The following TOX3 variants were observed in gnomAD, a reference collection of about 807,000 sequenced individuals.
TOX3 encodes TOX high mobility group box family member 3, also known as CAG trinucleotide repeat-containing gene F9 protein.
A neutral mutation model predicts 64.3 loss-of-function variants in TOX3; 22 were observed. The ratio of observed to expected loss-of-function variants is 0.34; its 90% CI spans 0.24 to 0.49. TOX3 has a LOEUF of 0.49. Among genes scored for constraint, TOX3 ranks in the 20% least tolerant of loss-of-function variants. The pLI is 0.99. For missense variants in TOX3, 661 were observed against 714.4 expected (o/e 0.93, Z 0.85); for synonymous variants, 291 against 273.6 (o/e 1.06, Z -0.63).
Position 52,450,491 on chromosome 16 carries a change from C to T in TOX3, c.464G>A (p.Arg155Gln), listed in dbSNP as rs200208189. 401 of 1,613,996 alleles carry T rather than the reference C, an allele frequency of 2.5e-4. No homozygotes were observed. Among genetic ancestry groups the T allele is most frequent in the Non-Finnish European group, 3.1e-4 (371 of 1,179,886 alleles). Residue 155 changes from arginine (R) to glutamine (Q), a missense_variant, in exon 4 of 7, where the codon CGG (arginine) becomes CAG (glutamine). Arg to Gln is a conservative substitution (Grantham distance 43, BLOSUM62 1). Transcript: ENST00000219746. ...AGCATCGGTCATGTGGACGATGGAC[C>T]GCATGATCAGGGAGGGATCCTGCCG... ...QYRQDPSLIMRSIVHMTDAAR... is the reference protein window; with the variant it reads ...QYRQDPSLIMQSIVHMTDAAR...
In TOX3 at chr16:52,451,669, C is replaced by T. The variant is rs115906740; in HGVS notation, c.409-1123G>A. On this transcript the variant is annotated intron_variant, in intron 3 of 6. Transcript: ENST00000219746. ...GGCTTATTTTTGCTCTTTAAAGAAG[C>T]GGAATGAATTGTAAATAACTAAATT... Among the ~76,000 whole-genome samples the T allele has an allele frequency of 7.9e-3, 1,207 of 152,074 alleles. 19 individuals are homozygous for T. Among genetic ancestry groups the T allele is most frequent in the African/African-American group, 0.027 (1,131 of 41,460 alleles).
intron 1 of TOX3, among the ~76,000 whole-genome samples, chr16:52,533,151 C>T (rs577686561): frequency 6.6e-6 from 1 of 152,292 alleles, no homozygotes; most frequent in East Asian, 1.9e-4. Flanking sequence ...ACGAGGTCAA[C>T]AGAGTTGGAC....
At chr16:52,457,795 C>A (rs1960564667) in intron 3 of TOX3, among the ~76,000 whole-genome samples, 1 of 152,104 alleles carries the variant, frequency 6.6e-6, no homozygotes. Context: ...AATTACAGAC[C>A]TGCATACCAC....
At chr16:52,447,793 T>G (rs1241725810) in intron 4 of TOX3, among the ~76,000 whole-genome samples, 1 of 152,226 alleles carries the variant, frequency 6.6e-6, no homozygotes, top group African/African-American at 2.4e-5. Flanking sequence ...AGCCAAGTTT[T>G]CCTTCAATGA....
intron 1 of TOX3, among the ~76,000 whole-genome samples, chr16:52,526,605 G>A (rs1329675013): frequency 6.6e-6 from 1 of 152,114 alleles, no homozygotes; most frequent in African/African-American, 2.4e-5. Flanking sequence ...CTGAAAAGGG[G>A]GATTTCCTGA....
At chr16:52,466,290 T>G (rs969298049) in intron 2 of TOX3, among the ~76,000 whole-genome samples, 1 of 152,168 alleles carries the variant, frequency 6.6e-6, no homozygotes, top group African/African-American at 2.4e-5. Flanking sequence ...ATGACACAGA[T>G]AGAAAACATA....
Position 52,439,537 on chromosome 16 carries a change from G to T in TOX3, c.1419C>A (p.Ile473=), listed in dbSNP as rs117772184. The change falls in exon 7 of 7, where the codon ATC becomes ATA. Residue 473 remains isoleucine (I), a synonymous_variant. Coordinates refer to ENST00000219746, the MANE Select transcript of TOX3 (RefSeq NM_001080430.4). ...QLQQHQMHQQ[I]QQQMQQQHFQ... ...AATGCTGCTGCTGCATCTGCTGCTG[G>T]ATTTGCTGATGCATTTGGTGCTGCT... is the stretch of plus-strand genomic sequence containing the variant. 9.0e-3 allele frequency: 13,053 copies of T among 1,447,660 alleles called. 76 individuals are homozygous for T. Among genetic ancestry groups the T allele is most frequent in the Non-Finnish European group, 0.011 (11,588 of 1,050,630 alleles). The allele number at this position is 1,447,660 out of a possible 1,614,324, so 89.7% of individuals were successfully genotyped here.
upstream of TOX3, chr16:52,547,735 G>A (rs1289549036): frequency 6.6e-6 from 1 of 152,266 alleles, no homozygotes; most frequent in African/African-American, 2.4e-5. Context: ...CCCAGAAGGG[G>A]TGTTGGGGCC....
chr16:52,477,341 C>A (rs961575562), intron 1 of TOX3, among the ~76,000 whole-genome samples: 1 of 152,010 alleles, frequency 6.6e-6, no homozygotes, highest in Non-Finnish European at 1.5e-5. Flanking sequence ...AGAGTGTCCA[C>A]AAAGGATTTT....
At chr16:52,500,700 C>T (rs962851645) in intron 1 of TOX3, among the ~76,000 whole-genome samples, 1 of 152,152 alleles carries the variant, frequency 6.6e-6, no homozygotes, top group Admixed American at 6.5e-5. Context: ...TTATGCTAAC[C>T]ACTTCCCATT....
chr16:52,476,870 TATATC>T (rs1262605418), intron 1 of TOX3, among the ~76,000 whole-genome samples: 3 of 152,096 alleles, frequency 2.0e-5, no homozygotes, highest in African/African-American at 7.2e-5. Context: ...GACAAAAAAA[TATATC>T]AAGCTAAGGG....
At position 52,452,700 on chromosome 16, in the gene TOX3, GA is replaced by G. The variant is rs1007826845; in HGVS notation, c.409-2155del. ...ATAATAATAATAAAAAAAAGAAATG[GA>G]AAAAAAAAGTAAACAAAAACTAAAA... On this transcript the variant is annotated intron_variant, in intron 3 of 6. Coordinates refer to ENST00000219746, the MANE Select transcript of TOX3 (RefSeq NM_001080430.4). Among the ~76,000 whole-genome samples, 24 of 147,902 alleles carry G rather than the reference GA, an allele frequency of 1.6e-4. No individual in the cohort carries two copies. In the East Asian group the frequency reaches 3.2e-3, roughly 20 times the overall value.
At chr16:52,544,892 T>C (rs1963143187) in intron 1 of TOX3, among the ~76,000 whole-genome samples, 2 of 152,184 alleles carry the variant, frequency 1.3e-5, no homozygotes. Context: ...TTTGGTGTCA[T>C]TCGAGTGTTG....
intron 1 of TOX3, among the ~76,000 whole-genome samples, chr16:52,492,564 A>AATATATATATATATATACAT (rs1961721511): frequency 2.2e-5 from 2 of 90,694 alleles, no homozygotes; most frequent in African/African-American, 9.1e-5. Flanking sequence ...GTTGTATATA[A>AATATATATATATATATACAT]ATATATATAT....
rs755560023 is a variant in TOX3, at chr16:52,464,116, C to A, written c.226G>T (p.Asp76Tyr). Reference protein sequence around the residue: ...IPPITPPPESDPALGMPDVLL... With the variant: ...IPPITPPPESYPALGMPDVLL... ...ACATCCGGCATGCCTAGGGCAGGGT[C>A]TGACTCTGGAGGAGGCGTGATTGGT... The change falls in exon 3 of 7, where the codon GAC (aspartate) becomes TAC (tyrosine). Residue 76 changes from aspartate to tyrosine, a missense_variant. This residue lies in a region of TOX3 where 259 missense variants were observed against 261.2 expected (regional missense o/e 0.99). Transcript: ENST00000219746. 4 of 1,594,824 alleles carry A rather than the reference C, an allele frequency of 2.5e-6. No individual in the cohort carries two copies. Among genetic ancestry groups the A allele is most frequent in the Non-Finnish European group, 3.4e-6 (4 of 1,170,340 alleles).
intron 1 of TOX3, among the ~76,000 whole-genome samples, chr16:52,508,210 G>A (rs1962212501): frequency 6.6e-6 from 1 of 152,208 alleles, no homozygotes; most frequent in Non-Finnish European, 1.5e-5. Context: ...GTATAATGCA[G>A]ATACATTCTG....
rs1304402078 is a variant in TOX3, at chr16:52,438,088, A to G, written c.*1137T>C. On this transcript the variant is annotated 3_prime_UTR_variant, in exon 7 of 7. Transcript: ENST00000219746. ...AATACAGTCCACAGTTTTTACTGAA[A>G]TGTGTTTATTCTATAGCAAGATAAA... The G allele has an allele frequency of 2.0e-5, 3 of 152,662 alleles. No individual in the cohort carries two copies. The highest frequency in any genetic ancestry group is 2.0e-4 in the Admixed American group (3 of 15,284). 9.5% of individuals were successfully genotyped at this position (152,662 alleles called of 1,614,324 possible).
chr16:52,462,625 C>T (rs1960725318), intron 3 of TOX3, among the ~76,000 whole-genome samples: 1 of 152,024 alleles, frequency 6.6e-6, no homozygotes, highest in East Asian at 1.9e-4. Context: ...TGGCAAACTC[C>T]CTTGGTGACT....
chr16:52,512,561 C>T (rs534793360), intron 1 of TOX3, among the ~76,000 whole-genome samples: 1 of 152,260 alleles, frequency 6.6e-6, no homozygotes, highest in African/African-American at 2.4e-5. Flanking sequence ...AAAGTCCATG[C>T]CCTTGGTGAC....
Sources: allele counts gnomAD v4.1 joint callset (sites outside exome capture counted in the v4.1 genomes callset), GRCh38; gene constraint gnomAD v4.1.1; regional missense constraint gnomAD v4.1.1; transcripts MANE v1.5; gene names NCBI Gene and HGNC (gene_info 2026-07-23, HGNC 2026-07-21).